The following SLC27A6 variants were observed in gnomAD, a reference collection of about 807,000 sequenced individuals.
The protein encoded by SLC27A6 is solute carrier family 27 member 6.
SLC27A6 carries 74 observed loss-of-function variants against 63.9 expected under a neutral mutation model. The ratio of observed to expected loss-of-function variants is 1.16; its 90% CI spans 0.96 to 1.40. The LOEUF is 1.40. Among genes scored for constraint, SLC27A6 ranks in the 40% most tolerant of loss-of-function variants. The pLI is 0.00. For missense variants in SLC27A6, 794 were observed against 732.9 expected, an observed-to-expected ratio of 1.08 and a Z score of -0.96; for synonymous variants, 287 against 260.8, an observed-to-expected ratio of 1.10 and a Z score of -0.97.
At chr5:129,023,423 T>G (rs1039057350) in intron 5 of SLC27A6, among the ~76,000 whole-genome samples, 197 bp from the exon 6 acceptor site, 1 of 152,152 alleles carries the variant, frequency 6.6e-6, no homozygotes, top group Admixed American at 6.6e-5. Flanking sequence ...TGACTGCTGT[T>G]TACTAATACC....
chr5:128,997,280 A>T (rs1309735275), intron 4 of SLC27A6, among the ~76,000 whole-genome samples: 1 of 152,158 alleles, frequency 6.6e-6, no homozygotes, highest in Non-Finnish European at 1.5e-5. Flanking sequence ...AGACATTTAT[A>T]TATTTTTTAT....
chr5:128,973,148 C>T (rs995707740), intron 1 of SLC27A6, among the ~76,000 whole-genome samples: 1 of 152,146 alleles, frequency 6.6e-6, no homozygotes, highest in African/African-American at 2.4e-5. Context: ...GAAGCTTGGT[C>T]TCAGAGGGGC....
At chr5:128,981,714 T>C (rs896455435) in intron 1 of SLC27A6, among the ~76,000 whole-genome samples, 2 of 152,172 alleles carry the variant, frequency 1.3e-5, no homozygotes, top group African/African-American at 4.8e-5. Flanking sequence ...TGAGATAAAG[T>C]CATTTCCTTA....
chr5:128,996,157 A>G (rs957425023), intron 4 of SLC27A6, among the ~76,000 whole-genome samples: 3 of 152,204 alleles, frequency 2.0e-5, no homozygotes, highest in African/African-American at 4.8e-5. Flanking sequence ...AAGGACCTAT[A>G]GTGTGATACA....
In SLC27A6 at chr5:129,015,978, A is replaced by G. The variant is rs767926953; in HGVS notation, c.1063A>G (p.Ile355Val). The change falls in exon 5 of 10, where the codon ATA becomes GTA. Residue 355 changes from isoleucine (I) to valine (V), a missense_variant. Coordinates refer to ENST00000262462, the MANE Select transcript of SLC27A6 (RefSeq NM_001017372.3). ...WREFLDRFGNIKVCELYAATE... is the reference protein window; with the variant it reads ...WREFLDRFGNVKVCELYAATE... ...AGAATTTTTAGACAGATTTGGAAATATAAAGGTGTGTGAACTTTATGCAGC... is the reference window on the plus strand; with the variant it reads ...AGAATTTTTAGACAGATTTGGAAATGTAAAGGTGTGTGAACTTTATGCAGC... 13 of 1,610,900 alleles carry G rather than the reference A, an allele frequency of 8.1e-6. No individual in the cohort carries two copies. The highest frequency in any genetic ancestry group is 1.7e-4 in the Middle Eastern group (1 of 6,056).
At chr5:129,023,253 G>A (rs978343864) in intron 5 of SLC27A6, among the ~76,000 whole-genome samples, 1 of 151,728 alleles carries the variant, frequency 6.6e-6, no homozygotes, top group Non-Finnish European at 1.5e-5. Flanking sequence ...TTCATTTCAA[G>A]GGCTATTTTA....
At chr5:129,011,289 C>T (rs917446371) in intron 4 of SLC27A6, among the ~76,000 whole-genome samples, 1 of 152,178 alleles carries the variant, frequency 6.6e-6, no homozygotes, top group East Asian at 1.9e-4. Flanking sequence ...GTTCCATGTC[C>T]TTGCCAACAC....
At position 128,966,343 on chromosome 5, in the gene SLC27A6, G is replaced by C; in HGVS notation, c.206G>C (p.Arg69Pro). The stretch of plus-strand genomic sequence containing the variant: ...TTGAGTCATGCCAAAAGACAACCTC[G>C]GAAACCTTTCATCATCTATGAGGGA... ...KFLSHAKRQPRKPFIIYEGDI... is the reference protein window; with the variant it reads ...KFLSHAKRQPPKPFIIYEGDI... The change falls in exon 1 of 10, where the codon CGG becomes CCG. Residue 69 changes from arginine to proline, a missense_variant. Transcript: ENST00000262462. 1 of 1,614,062 alleles carries C rather than the reference G, an allele frequency of 6.2e-7. No homozygotes were observed. The highest frequency in any genetic ancestry group is 8.5e-7 in the Non-Finnish European group (1 of 1,180,004).
In SLC27A6 at chr5:128,966,602, C is replaced by T. The variant is rs538309779; in HGVS notation, c.465C>T (p.Ala155=). The part of the protein sequence containing the change: ...LNCIRACGPR[A]LVVGADLLGT... ...GCATCCGCGCCTGTGGGCCCAGAGCCCTAGTGGTGGGCGCAGGTAGAGTAT... is the reference window on the plus strand; with the variant it reads ...GCATCCGCGCCTGTGGGCCCAGAGCTCTAGTGGTGGGCGCAGGTAGAGTAT... The change falls in exon 1 of 10, where the codon GCC becomes GCT. Residue 155 remains alanine (A), a synonymous_variant. Coordinates refer to ENST00000262462, the MANE Select transcript of SLC27A6 (RefSeq NM_001017372.3). 1 of 1,526,198 alleles carries T rather than the reference C, an allele frequency of 6.6e-7. No individual in the cohort carries two copies. Among genetic ancestry groups the T allele is most frequent in the East Asian group, 2.3e-5 (1 of 44,338 alleles). 94.5% of individuals were successfully genotyped at this position (1,526,198 alleles called of 1,614,324 possible).
chr5:129,013,703 A>T (rs544396999), intron 4 of SLC27A6, among the ~76,000 whole-genome samples: 1 of 151,902 alleles, frequency 6.6e-6, no homozygotes, highest in East Asian at 1.9e-4. Flanking sequence ...TCATGGCTTC[A>T]TGTCTTTCTA....
At chr5:128,986,407 A>C (rs1367379591) in intron 2 of SLC27A6, among the ~76,000 whole-genome samples, 1 of 152,248 alleles carries the variant, frequency 6.6e-6, no homozygotes, top group East Asian at 1.9e-4. Context: ...ATAGGCTTTC[A>C]TTATTAGTTT....
chr5:128,998,910 G>A (rs17699645), intron 4 of SLC27A6, among the ~76,000 whole-genome samples: 34,708 of 151,926 alleles, frequency 0.23, 4,053 homozygotes, highest in Middle Eastern at 0.29. Context: ...TATTCCCAGC[G>A]GGGGTAAAAC....
chr5:129,021,769 G>A (rs1191150710), intron 5 of SLC27A6, among the ~76,000 whole-genome samples: 11 of 152,176 alleles, frequency 7.2e-5, no homozygotes, highest in South Asian at 4.1e-4. Context: ...CTGCTCCAGA[G>A]TACTTCTAGA....
intron 9 of SLC27A6, among the ~76,000 whole-genome samples, chr5:129,031,684 A>G (rs975604766): frequency 6.6e-6 from 1 of 151,984 alleles, no homozygotes; most frequent in African/African-American, 2.4e-5. Flanking sequence ...AGTTAATTAA[A>G]ATATGATAAT....
chr5:129,011,426 A>G (rs1026018480), intron 4 of SLC27A6, among the ~76,000 whole-genome samples: 7 of 152,228 alleles, frequency 4.6e-5, no homozygotes, highest in African/African-American at 1.7e-4. Context: ...ATTCTCATAT[A>G]CTTACTGGAT....
chr5:129,006,090 T>TTTTTTTG (rs1751521112), intron 4 of SLC27A6, among the ~76,000 whole-genome samples: 1 of 93,834 alleles, frequency 1.1e-5, no homozygotes, highest in Non-Finnish European at 2.4e-5. Context: ...TTTTTTTTTT[T>TTTTTTTG]TTTTTTGAGA....
At chr5:129,033,033 C>G in intron 9 of SLC27A6, 73 bp from the exon 10 acceptor site, 1 of 860,492 alleles carries the variant, frequency 1.2e-6, no homozygotes, top group South Asian at 2.3e-5. Context: ...ATATTACAGT[C>G]TATAGTATTA....
chr5:128,985,882 A>T (rs1480460176), intron 2 of SLC27A6, among the ~76,000 whole-genome samples: 1 of 152,216 alleles, frequency 6.6e-6, no homozygotes, highest in South Asian at 2.1e-4. Context: ...GATTTTGGTC[A>T]GGGTAATTGA....
chr5:129,025,643 T>G (rs1419625002), intron 6 of SLC27A6, among the ~76,000 whole-genome samples: 1 of 152,066 alleles, frequency 6.6e-6, no homozygotes, highest in African/African-American at 2.4e-5. Context: ...AAGTGCTCAA[T>G]AGGTATAATT....
Sources: allele counts gnomAD v4.1 joint callset (sites outside exome capture counted in the v4.1 genomes callset), GRCh38; gene constraint gnomAD v4.1.1; transcripts MANE v1.5; gene names NCBI Gene and HGNC (gene_info 2026-07-23, HGNC 2026-07-21).